Variants in CNTNAP2 observed in about 807,000 individuals in gnomAD.
CNTNAP2 encodes contactin-associated protein-like 2.
A neutral mutation model predicts 155.2 loss-of-function variants in CNTNAP2; 98 were observed. The ratio of observed to expected loss-of-function variants is 0.63; its 90% CI spans 0.54 to 0.75. The LOEUF is 0.75. Ranked by LOEUF, CNTNAP2 falls within the 30% of genes least tolerant of loss-of-function variation. The probability of loss-of-function intolerance (pLI) is 0.00; values close to 1 mark genes in which losing one functional copy is unlikely to be tolerated. For missense variants in CNTNAP2, 1,727 were observed against 1,688.1 expected, an observed-to-expected ratio of 1.02 and a Z score of -0.40; for synonymous variants, 651 against 631.2, an observed-to-expected ratio of 1.03 and a Z score of -0.47.
chr7:147,881,011 G>C (rs1040774695), intron 13 of CNTNAP2, among the ~76,000 whole-genome samples: 9 of 152,120 alleles, frequency 5.9e-5, no homozygotes, highest in African/African-American at 2.2e-4. Flanking sequence ...CCTACCATAA[G>C]ACCAGGAAGT....
chr7:147,069,244 G>A lies in CNTNAP2; in HGVS notation c.550+25190G>A, dbSNP rs542221119. Among the ~76,000 whole-genome samples the A allele has an allele frequency of 3.9e-5, 6 of 152,276 alleles. No individual in the cohort carries two copies. In the South Asian group the frequency reaches 1.0e-3, roughly 26 times the overall value. ...ATGTTAGAATGGCAGGGTAGGGGGA[G>A]AGCATAAATATGCAAACTCTATCAT... On this transcript the variant is annotated intron_variant, in intron 4 of 23. Transcript: ENST00000361727.
chr7:147,166,289 G>A (rs1802111857), intron 8 of CNTNAP2, among the ~76,000 whole-genome samples: 1 of 151,970 alleles, frequency 6.6e-6, no homozygotes, highest in Non-Finnish European at 1.5e-5. Flanking sequence ...AGTATACAAG[G>A]AATGGAAAAC....
intron 8 of CNTNAP2, among the ~76,000 whole-genome samples, chr7:147,231,564 G>C: frequency 6.6e-6 from 1 of 152,180 alleles, no homozygotes; most frequent in Non-Finnish European, 1.5e-5. Context: ...GTGTACAAGA[G>C]TTCACTTTTC....
intron 13 of CNTNAP2, among the ~76,000 whole-genome samples, chr7:147,860,958 G>C (rs933267731): frequency 1.1e-4 from 17 of 152,154 alleles, no homozygotes; most frequent in Admixed American, 9.8e-4. Context: ...CTGACCCACT[G>C]TTTGCTTTCC....
At chr7:148,384,338 C>CT (rs1044702203) in intron 22 of CNTNAP2, among the ~76,000 whole-genome samples, 5 of 152,206 alleles carry the variant, frequency 3.3e-5, no homozygotes, top group African/African-American at 1.2e-4. Context: ...GCTTCCAGAT[C>CT]TTTAAGAGGT....
intron 20 of CNTNAP2, among the ~76,000 whole-genome samples, chr7:148,259,778 G>A (rs1001623063): frequency 6.6e-5 from 10 of 152,246 alleles, no homozygotes; most frequent in African/African-American, 2.4e-4. Context: ...TACCTGAATA[G>A]ACGTTAAAGC....
intron 21 of CNTNAP2, among the ~76,000 whole-genome samples, chr7:148,370,144 C>T (rs1214023542): frequency 1.3e-5 from 2 of 152,160 alleles, no homozygotes; most frequent in Admixed American, 6.5e-5. Flanking sequence ...CCTCCCACCT[C>T]GGAGGATACA....
intron 1 of CNTNAP2, among the ~76,000 whole-genome samples, chr7:146,625,023 A>G (rs890810780): frequency 2.6e-5 from 4 of 152,032 alleles, no homozygotes; most frequent in African/African-American, 4.8e-5. Context: ...AAGATTAAAT[A>G]GATATACAAG....
chr7:146,331,371 A>C (rs540717566), intron 1 of CNTNAP2, among the ~76,000 whole-genome samples: 6 of 151,726 alleles, frequency 4.0e-5, no homozygotes, highest in Non-Finnish European at 8.8e-5. Context: ...AGTATATTCC[A>C]TTTATCCAGC....
chr7:146,754,554 GTCTCTC>G (rs143802449), intron 1 of CNTNAP2, among the ~76,000 whole-genome samples: 72 of 144,974 alleles, frequency 5.0e-4, no homozygotes, highest in East Asian at 1.9e-3. Flanking sequence ...CTCTCTCTCT[GTCTCTC>G]TCTCTCTCTC....
At chr7:147,431,834 T>C (rs1797471699) in intron 10 of CNTNAP2, among the ~76,000 whole-genome samples, 1 of 152,216 alleles carries the variant, frequency 6.6e-6, no homozygotes, top group Non-Finnish European at 1.5e-5. Context: ...TTATTCTCCT[T>C]TACCTAGTTG....
intron 21 of CNTNAP2, among the ~76,000 whole-genome samples, chr7:148,302,746 C>T (rs1241120971): frequency 6.6e-6 from 1 of 152,106 alleles, no homozygotes; most frequent in East Asian, 1.9e-4. Context: ...ATGAGACCTC[C>T]CCAGCCATGT....
intron 1 of CNTNAP2, among the ~76,000 whole-genome samples, chr7:146,698,677 C>T (rs1006028989): frequency 2.0e-5 from 3 of 152,100 alleles, no homozygotes; most frequent in Non-Finnish European, 2.9e-5. Flanking sequence ...TTCGAAAAAG[C>T]ATCAGCATTA....
chr7:148,206,206 A>G (rs1157546794), intron 18 of CNTNAP2, among the ~76,000 whole-genome samples: 2 of 147,916 alleles, frequency 1.4e-5, no homozygotes, highest in Non-Finnish European at 3.0e-5. Context: ...CATATAATAT[A>G]TATTATAATA....
chr7:147,304,778 T>G (rs1383346744), intron 9 of CNTNAP2, among the ~76,000 whole-genome samples: 1 of 152,156 alleles, frequency 6.6e-6, no homozygotes, highest in Non-Finnish European at 1.5e-5. Context: ...TTGGTCAGTT[T>G]TGGCTGCTAT....
intron 3 of CNTNAP2, among the ~76,000 whole-genome samples, chr7:146,881,013 T>C (rs1795538542): frequency 6.6e-6 from 1 of 152,122 alleles, no homozygotes. Context: ...ATCTGAGAGA[T>C]GTTTATAAGG....
chr7:148,396,896 T>A (rs1419027602), intron 22 of CNTNAP2, among the ~76,000 whole-genome samples: 2 of 152,220 alleles, frequency 1.3e-5, no homozygotes, highest in African/African-American at 4.8e-5. Flanking sequence ...GGTACAGTTA[T>A]TTTAAACATA....
intron 8 of CNTNAP2, among the ~76,000 whole-genome samples, chr7:147,165,205 G>C (rs1802092691): frequency 6.6e-6 from 1 of 152,084 alleles, no homozygotes; most frequent in East Asian, 1.9e-4. Flanking sequence ...CAGGAGTAAG[G>C]GGGTATTGCA....
At chr7:148,126,847 G>A (rs191899042) in intron 16 of CNTNAP2, among the ~76,000 whole-genome samples, 6 of 152,270 alleles carry the variant, frequency 3.9e-5, no homozygotes, top group East Asian at 1.9e-4. Flanking sequence ...CCAACTGTTC[G>A]CCTGGCCCCA....
Sources: gnomAD v4.1 joint callset for allele counts (sites outside exome capture counted in the v4.1 genomes callset) on GRCh38, gnomAD v4.1.1 for gene constraint, MANE v1.5 for transcripts, NCBI Gene and HGNC (gene_info 2026-07-23, HGNC 2026-07-21) for gene names.